Variants in CORO2B observed in about 807,000 individuals in gnomAD.
CORO2B encodes coronin-2B.
A neutral mutation model predicts 58.8 loss-of-function variants in CORO2B; 26 were observed. The ratio of observed to expected loss-of-function variants is 0.44; its 90% CI spans 0.32 to 0.61. CORO2B has a LOEUF of 0.61. CORO2B is among the 20% of genes least tolerant of loss of function. The pLI is 0.04. For missense variants in CORO2B, 460 were observed against 645.1 expected (o/e 0.71, Z 3.11); for synonymous variants, 242 against 253.8 (o/e 0.95, Z 0.44).
chr15:68,644,675 G>C (rs757434264), intron 1 of CORO2B, among the ~76,000 whole-genome samples: 4 of 152,164 alleles, frequency 2.6e-5, no homozygotes, highest in Non-Finnish European at 5.9e-5. Context: ...ATGGGGGGTT[G>C]CCTTCTTGCA....
chr15:68,659,529 A>G (rs1000166404), intron 2 of CORO2B, among the ~76,000 whole-genome samples: 3 of 152,226 alleles, frequency 2.0e-5, no homozygotes, highest in African/African-American at 7.2e-5. Flanking sequence ...CCCAGGCAAC[A>G]CAGTAAGAGC....
intron 1 of CORO2B, among the ~76,000 whole-genome samples, chr15:68,588,947 G>A (rs759514169): frequency 3.3e-5 from 5 of 152,140 alleles, no homozygotes; most frequent in Admixed American, 2.0e-4. Context: ...GAGAAATTTG[G>A]AATTCTGGGA....
chr15:68,640,874 G>A (rs117212679), intron 1 of CORO2B, among the ~76,000 whole-genome samples: 2,101 of 152,306 alleles, frequency 0.014, 25 homozygotes, highest in Non-Finnish European at 0.023. Flanking sequence ...ACTGGTGCTT[G>A]GAGCAGCAAA....
intron 1 of CORO2B, chr15:68,616,505 A>G: frequency 3.1e-6 from 3 of 983,172 alleles, no homozygotes; most frequent in Non-Finnish European, 3.6e-6. Context: ...GCCATGCTCC[A>G]CTCCCTTAAA....
chr15:68,548,469 C>A, the CORO2B span, among the ~76,000 whole-genome samples: 3 of 152,112 alleles, frequency 2.0e-5, no homozygotes, highest in African/African-American at 7.2e-5. Context: ...CAGGACATCA[C>A]TAAATGCAGA....
intron 8 of CORO2B, among the ~76,000 whole-genome samples, chr15:68,717,102 G>A (rs1339320643): frequency 1.3e-5 from 2 of 151,960 alleles, no homozygotes; most frequent in South Asian, 2.1e-4. Context: ...TCAGGAGTTC[G>A]AGACCAGTCT....
the CORO2B span, among the ~76,000 whole-genome samples, chr15:68,564,115 A>AT: frequency 6.6e-6 from 1 of 152,172 alleles, no homozygotes; most frequent in Non-Finnish European, 1.5e-5. Flanking sequence ...AAGTTCTAAA[A>AT]CTTAGACCAT....
At chr15:68,635,645 G>A (rs979581892) in intron 1 of CORO2B, among the ~76,000 whole-genome samples, 2 of 152,180 alleles carry the variant, frequency 1.3e-5, no homozygotes, top group Non-Finnish European at 2.9e-5. Flanking sequence ...GACAGGATAC[G>A]GTTCCTTGAA....
intron 2 of CORO2B, among the ~76,000 whole-genome samples, chr15:68,687,538 A>T (rs1365449067): frequency 6.6e-6 from 1 of 152,158 alleles, no homozygotes; most frequent in African/African-American, 2.4e-5. Flanking sequence ...TTTCCAAGGG[A>T]GGGCCCGGCC....
the CORO2B span, among the ~76,000 whole-genome samples, chr15:68,556,816 A>G: frequency 6.6e-6 from 1 of 152,224 alleles, no homozygotes; most frequent in African/African-American, 2.4e-5. Flanking sequence ...CTTGTCATGG[A>G]GCCACCTCTG....
At chr15:68,578,365 C>A (rs1248014662), upstream of CORO2B, among the ~76,000 whole-genome samples, 1 of 152,218 alleles carries the variant, frequency 6.6e-6, no homozygotes, top group Non-Finnish European at 1.5e-5. The surrounding 1 kb of genome is among the most constrained non-coding windows in gnomAD (Gnocchi z 4.2). Flanking sequence ...AGTCACTTCC[C>A]ACGTCCGTCC....
chr15:68,579,249 C>G lies in CORO2B; in HGVS notation c.-14C>G, dbSNP rs754949243. Reference sequence around the variant, plus strand: ...CGCCGCGCCCGCGCCCCCGCTCCGCCGCGGAGTTTCTGCATGACTGTCACA... The same window carrying G: ...CGCCGCGCCCGCGCCCCCGCTCCGCGGCGGAGTTTCTGCATGACTGTCACA... On this transcript the variant is annotated 5_prime_UTR_variant, in exon 1 of 12. Coordinates refer to ENST00000261861, the MANE Select transcript of CORO2B (RefSeq NM_006091.5). The G allele has an allele frequency of 2.3e-4, 278 of 1,211,430 alleles. 1 individual carries two copies. The Middle Eastern group carries it at 4.3e-3, about 19-fold the overall frequency. The allele number at this position is 1,211,430 out of a possible 1,614,324, so 75.0% of individuals were successfully genotyped here.
At chr15:68,658,374 G>A (rs945505981) in intron 2 of CORO2B, among the ~76,000 whole-genome samples, 2 of 152,240 alleles carry the variant, frequency 1.3e-5, no homozygotes, top group East Asian at 1.9e-4. Context: ...CCTCGTCCCC[G>A]CCTGCCATCT....
intron 2 of CORO2B, among the ~76,000 whole-genome samples, chr15:68,673,347 G>A (rs1902465477): frequency 1.9e-5 from 2 of 106,992 alleles, no homozygotes. Flanking sequence ...ACCAGCCTGG[G>A]CAACCCTGTC....
chr15:68,542,387 C>T, the CORO2B span, among the ~76,000 whole-genome samples: 1 of 152,242 alleles, frequency 6.6e-6, no homozygotes, highest in Non-Finnish European at 1.5e-5. Context: ...TTCTCCACTG[C>T]ATGGATAGCT....
intron 3 of CORO2B, among the ~76,000 whole-genome samples, chr15:68,707,092 C>A (rs1567016054): frequency 6.6e-6 from 1 of 152,184 alleles, no homozygotes; most frequent in African/African-American, 2.4e-5. Context: ...TCCTGAGTAG[C>A]TGGGATTACA....
intron 1 of CORO2B, among the ~76,000 whole-genome samples, chr15:68,628,101 T>C (rs1347053134): frequency 6.6e-6 from 1 of 152,202 alleles, no homozygotes; most frequent in African/African-American, 2.4e-5. Context: ...TGGGTGGGGC[T>C]TTGCATATAT....
chr15:68,607,770 A>G (rs1022007557), intron 1 of CORO2B, among the ~76,000 whole-genome samples: 4 of 150,468 alleles, frequency 2.7e-5, no homozygotes, highest in Admixed American at 6.7e-5. Flanking sequence ...GTGAGCTAAG[A>G]TTGTGTTACT....
chr15:68,601,573 CG>C (rs1899984057), intron 1 of CORO2B, among the ~76,000 whole-genome samples: 4 of 152,116 alleles, frequency 2.6e-5, no homozygotes, highest in African/African-American at 9.7e-5. Context: ...CACACAGTGT[CG>C]GGGCATCAGA....
Sources: gnomAD v4.1 joint callset for allele counts (sites outside exome capture counted in the v4.1 genomes callset) on GRCh38, gnomAD v4.1.1 for gene constraint, Gnocchi (gnomAD v3.1) non-coding constraint, MANE v1.5 for transcripts, NCBI Gene and HGNC (gene_info 2026-07-23, HGNC 2026-07-21) for gene names.